The following SLCO1A2 variants were observed in gnomAD, a reference collection of about 807,000 sequenced individuals.
SLCO1A2 encodes the protein solute carrier organic anion transporter family member 1A2.
A neutral mutation model predicts 69.0 loss-of-function variants in SLCO1A2; 67 were observed. That is an observed-to-expected ratio of 0.97 (90% CI 0.80 to 1.19). SLCO1A2 has a LOEUF of 1.19. Among genes scored for constraint, SLCO1A2 ranks in the 50% most tolerant of loss-of-function variants. The pLI, the probability that SLCO1A2 is intolerant of heterozygous loss-of-function variation, is 0.00. For synonymous variants in SLCO1A2, 260 were observed against 265.9 expected (o/e 0.98, Z 0.22); for missense variants, 787 against 793.7 (o/e 0.99, Z 0.10).
chr12:21,408,715 TGTG>T (rs1941862452), intron 1 of SLCO1A2, among the ~76,000 whole-genome samples: 1 of 27,078 alleles, frequency 3.7e-5, no homozygotes, highest in Admixed American at 3.0e-4. Flanking sequence ...AGCGCATGCG[TGTG>T]TGTGTGTGTG....
intron 2 of SLCO1A2, among the ~76,000 whole-genome samples, chr12:21,345,881 G>A (rs187865574): frequency 6.8e-4 from 103 of 151,892 alleles, no homozygotes; most frequent in African/African-American, 2.4e-3. Context: ...GCCAGAAGCT[G>A]GATCCTAGGC....
At chr12:21,295,034 T>C (rs1947494817) in intron 10 of SLCO1A2, 1 of 152,152 alleles carries the variant, frequency 6.6e-6, no homozygotes, top group Non-Finnish European at 1.5e-5. Context: ...TACATCACTA[T>C]GGAAAACATT....
intron 2 of SLCO1A2, among the ~76,000 whole-genome samples, chr12:21,347,134 G>GA (rs1401359853): frequency 1.3e-5 from 2 of 152,050 alleles, no homozygotes; most frequent in East Asian, 3.9e-4. Context: ...AACTTGCTGA[G>GA]AAAAAATTAG....
intron 1 of SLCO1A2, among the ~76,000 whole-genome samples, chr12:21,385,723 C>T (rs1311609436): frequency 1.3e-5 from 2 of 152,210 alleles, no homozygotes; most frequent in African/African-American, 4.8e-5. Flanking sequence ...CTATTCCACT[C>T]TGGTTTTGAA....
chr12:21,301,879 G>A (rs748905845), intron 6 of SLCO1A2, among the ~76,000 whole-genome samples: 1 of 151,958 alleles, frequency 6.6e-6, no homozygotes, highest in Non-Finnish European at 1.5e-5. Context: ...CTCATCACTT[G>A]TCTACAATTC....
intron 2 of SLCO1A2, among the ~76,000 whole-genome samples, chr12:21,334,067 G>A (rs966050563): frequency 2.6e-5 from 4 of 151,684 alleles, no homozygotes; most frequent in African/African-American, 9.7e-5. Context: ...TTTGAAGCTA[G>A]AAAACAGAAT....
At chr12:21,277,261 G>A (rs1944032726) in intron 12 of SLCO1A2, among the ~76,000 whole-genome samples, 1 of 152,078 alleles carries the variant, frequency 6.6e-6, no homozygotes, top group Non-Finnish European at 1.5e-5. Flanking sequence ...CCAGGCCCTA[G>A]CTCCTGGCTG....
intron 5 of SLCO1A2, among the ~76,000 whole-genome samples, chr12:21,306,246 A>G (rs1949370615): frequency 6.6e-6 from 1 of 152,160 alleles, no homozygotes; most frequent in African/African-American, 2.4e-5. Context: ...CATATACACC[A>G]AATCATCAGC....
intron 2 of SLCO1A2, chr12:21,355,007 T>G (rs1381909089): frequency 6.6e-6 from 1 of 152,148 alleles, no homozygotes; most frequent in Non-Finnish European, 1.5e-5. Flanking sequence ...TACATCTACA[T>G]TTCCAGGTAA....
intron 2 of SLCO1A2, among the ~76,000 whole-genome samples, chr12:21,326,876 T>C (rs1364760138): frequency 1.3e-5 from 2 of 152,090 alleles, no homozygotes; most frequent in African/African-American, 4.8e-5. Context: ...AGACTGATGA[T>C]GTGATAAAAA....
intron 12 of SLCO1A2, among the ~76,000 whole-genome samples, chr12:21,285,163 G>C (rs1945520440): frequency 6.8e-6 from 1 of 148,138 alleles, no homozygotes; most frequent in African/African-American, 2.5e-5. Flanking sequence ...AATAAAAAAT[G>C]ATAAAGGGGA....
intron 2 of SLCO1A2, among the ~76,000 whole-genome samples, chr12:21,330,458 G>A (rs1952541208): frequency 6.6e-6 from 1 of 152,112 alleles, no homozygotes; most frequent in Non-Finnish European, 1.5e-5. Context: ...GCAGTGAACT[G>A]AGATTGTGCC....
chr12:21,302,601 G>T (rs1029510994), intron 6 of SLCO1A2, among the ~76,000 whole-genome samples: 1 of 150,656 alleles, frequency 6.6e-6, no homozygotes, highest in African/African-American at 2.4e-5. Context: ...GCTCAGGCTG[G>T]AGTGCTCACT....
At chr12:21,373,122 G>A (rs1483105126) in intron 2 of SLCO1A2, 1 of 567,070 alleles carries the variant, frequency 1.8e-6, no homozygotes, top group Non-Finnish European at 3.1e-6. Flanking sequence ...CAATATAAAT[G>A]TTCAGATTGC....
intron 12 of SLCO1A2, among the ~76,000 whole-genome samples, chr12:21,277,374 G>T (rs927170707): frequency 6.6e-6 from 1 of 152,054 alleles, no homozygotes; most frequent in South Asian, 2.1e-4. Context: ...AGCCCTTGGG[G>T]CCTGAATAAC....
intron 12 of SLCO1A2, among the ~76,000 whole-genome samples, chr12:21,289,598 C>T (rs1313491580): frequency 6.6e-6 from 1 of 152,086 alleles, no homozygotes; most frequent in Non-Finnish European, 1.5e-5. Flanking sequence ...TGGCACACCC[C>T]AACTCCACCC....
intron 12 of SLCO1A2, among the ~76,000 whole-genome samples, chr12:21,277,664 T>C (rs927034194): frequency 1.3e-5 from 2 of 152,142 alleles, no homozygotes; most frequent in East Asian, 3.9e-4. Flanking sequence ...GGGGATGATT[T>C]TGGATGAAAA....
chr12:21,314,815 C>T, intron 3 of SLCO1A2, 134 bp from the exon 4 acceptor site: 1 of 710,326 alleles, frequency 1.4e-6, no homozygotes, highest in Non-Finnish European at 2.3e-6. Flanking sequence ...GCTAGGGTTG[C>T]ATTAAATAAT....
chr12:21,362,913 C>A (rs1939043154), intron 2 of SLCO1A2, among the ~76,000 whole-genome samples: 3 of 152,152 alleles, frequency 2.0e-5, no homozygotes, highest in African/African-American at 7.2e-5. Flanking sequence ...TAGAGACCTA[C>A]AAAGAGACTT....
Sources: allele counts gnomAD v4.1 joint callset (sites outside exome capture counted in the v4.1 genomes callset), GRCh38; gene constraint gnomAD v4.1.1; transcripts MANE v1.5; gene names NCBI Gene and HGNC (gene_info 2026-07-23, HGNC 2026-07-21).